MOXD1: variants seen among roughly 807,000 people sequenced by gnomAD.
MOXD1 encodes the protein monooxygenase DBH like 1.
MOXD1 carries 62 observed loss-of-function variants against 66.6 expected under a neutral mutation model. That is an observed-to-expected ratio of 0.93 (90% CI 0.76 to 1.15). The LOEUF (loss-of-function observed/expected upper bound fraction) is 1.15. MOXD1 is among the 50% of genes most tolerant of loss of function. The pLI is 0.00. For synonymous variants in MOXD1, 303 were observed against 281.9 expected, an observed-to-expected ratio of 1.07 and a Z score of -0.75; for missense variants, 847 against 754.6, an observed-to-expected ratio of 1.12 and a Z score of -1.44.
chr6:132,400,291 G>T lies in MOXD1; in HGVS notation c.264+872C>A, dbSNP rs117881002. Among the ~76,000 whole-genome samples the T allele has an allele frequency of 2.2e-4, 33 of 152,252 alleles. No homozygotes were observed. In the East Asian group the frequency reaches 6.4e-3, roughly 29 times the overall value. The stretch of plus-strand genomic sequence containing the variant: ...TTAGCAAAGGGCAGTATGTTCGGAT[G>T]AATTTTTATAATAACAAAGCGTGTA... On this transcript the variant is annotated intron_variant, in intron 1 of 11. Coordinates refer to ENST00000367963, the MANE Select transcript of MOXD1 (RefSeq NM_015529.4).
intron 4 of MOXD1, among the ~76,000 whole-genome samples, chr6:132,343,371 T>C (rs573190093): frequency 5.8e-4 from 89 of 152,178 alleles, no homozygotes; most frequent in African/African-American, 2.0e-3. Context: ...GGTTGGGAGT[T>C]CAAGACCAGC....
chr6:132,355,724 T>C (rs145502858), intron 4 of MOXD1, among the ~76,000 whole-genome samples: 84 of 152,306 alleles, frequency 5.5e-4, no homozygotes, highest in Admixed American at 9.8e-4. Context: ...GCTGGTTACA[T>C]ACCTGTTTGT....
At position 132,297,850 on chromosome 6, in the gene MOXD1, G is replaced by T. The variant is rs1356624052; in HGVS notation, c.1614C>A (p.Asn538Lys). 2.5e-6 allele frequency: 4 copies of T among 1,613,330 alleles called. No individual in the cohort carries two copies. Among genetic ancestry groups the T allele is most frequent in the African/African-American group, 2.7e-5 (2 of 74,876 alleles). The stretch of plus-strand genomic sequence containing the variant: ...TCACTGGCAGGCTGAGGACCAGCTT[G>T]TTGAAGGAGAGACCTTCCTTTTTAG... ...KWTKKEGLSF[N>K]KLVLSLPVNV... is the part of the protein sequence containing the mutation. The change falls in exon 11 of 12, where the codon AAC becomes AAA. Residue 538 changes from asparagine to lysine, a missense_variant. Asn to Lys is a moderately conservative substitution (Grantham distance 94). Coordinates refer to ENST00000367963, the MANE Select transcript of MOXD1 (RefSeq NM_015529.4).
intron 4 of MOXD1, among the ~76,000 whole-genome samples, chr6:132,328,928 C>T (rs1355671855): frequency 1.3e-5 from 2 of 151,958 alleles, no homozygotes; most frequent in East Asian, 3.9e-4. Flanking sequence ...TGCTTTTTTC[C>T]AGGTTTGCTC....
intron 1 of MOXD1, among the ~76,000 whole-genome samples, chr6:132,377,974 A>G (rs1776428840): frequency 6.6e-6 from 1 of 152,022 alleles, no homozygotes; most frequent in African/African-American, 2.4e-5. Flanking sequence ...CTAAAAATAC[A>G]AAAACTAGCC....
At chr6:132,356,987 A>G (rs1450147053) in intron 4 of MOXD1, among the ~76,000 whole-genome samples, 1 of 152,004 alleles carries the variant, frequency 6.6e-6, no homozygotes, top group East Asian at 1.9e-4. Context: ...TATATATTAC[A>G]CTGGAAATGA....
chr6:132,314,105 T>C (rs376208198), intron 10 of MOXD1, among the ~76,000 whole-genome samples: 3 of 152,316 alleles, frequency 2.0e-5, no homozygotes, highest in African/African-American at 7.2e-5. Context: ...TCAGTAAGAA[T>C]AGATACATCA....
At chr6:132,368,011 C>T (rs979088746) in intron 4 of MOXD1, among the ~76,000 whole-genome samples, 1 of 151,834 alleles carries the variant, frequency 6.6e-6, no homozygotes, top group African/African-American at 2.4e-5. Context: ...CCATAATAGG[C>T]CATCAGCAAA....
intron 10 of MOXD1, among the ~76,000 whole-genome samples, chr6:132,307,990 T>C (rs2114540005): frequency 6.7e-6 from 1 of 150,004 alleles, no homozygotes; most frequent in South Asian, 2.1e-4. Flanking sequence ...ATCCAAAAGC[T>C]AGCAGAAGAC....
rs568061722 is a variant in MOXD1, at chr6:132,329,158, C to A, written c.664-564G>T. ...GGCCCTGGTGTGTGATGTTCTCCAC[C>A]CTGTGTCCAAGTGTTCTCATTGTTC... is the stretch of plus-strand genomic sequence containing the variant. On this transcript the variant is annotated intron_variant, in intron 4 of 11. Coordinates refer to ENST00000367963, the MANE Select transcript of MOXD1 (RefSeq NM_015529.4). Among the ~76,000 whole-genome samples, 447 of 152,238 alleles carry A rather than the reference C, an allele frequency of 2.9e-3. 3 individuals carry two copies. Among genetic ancestry groups the A allele is most frequent in the Middle Eastern group, 0.027 (8 of 294 alleles).
intron 10 of MOXD1, among the ~76,000 whole-genome samples, chr6:132,298,802 A>G (rs551650610): frequency 1.3e-5 from 2 of 152,222 alleles, no homozygotes; most frequent in South Asian, 4.1e-4. Context: ...GAGAAAAGAC[A>G]ATGCTTATAC....
At chr6:132,396,089 A>G (rs1231175568) in intron 1 of MOXD1, among the ~76,000 whole-genome samples, 1 of 152,186 alleles carries the variant, frequency 6.6e-6, no homozygotes, top group Non-Finnish European at 1.5e-5. Context: ...CAGAATATAC[A>G]TTCCTCTCAT....
chr6:132,322,393 A>C (rs945569314), intron 8 of MOXD1, among the ~76,000 whole-genome samples: 2 of 152,260 alleles, frequency 1.3e-5, no homozygotes, highest in African/African-American at 4.8e-5. Context: ...AGTATAAAAA[A>C]AGAGTAATGT....
intron 10 of MOXD1, among the ~76,000 whole-genome samples, chr6:132,303,020 TA>T (rs1229972208): frequency 1.3e-5 from 2 of 152,078 alleles, no homozygotes; most frequent in Non-Finnish European, 2.9e-5. Context: ...GGATTTACCT[TA>T]CACTACACAC....
In MOXD1 at chr6:132,297,754, C is replaced by A. The variant is rs369070047; in HGVS notation, c.1677+33G>T. On this transcript the variant is annotated intron_variant, in intron 11 of 11. Coordinates refer to ENST00000367963, the MANE Select transcript of MOXD1 (RefSeq NM_015529.4). ...TGTAATAGATTCAGATAAAATGTGT[C>A]ATCTGGGTTGTCAGAGGTTAAAAAG... The A allele has an allele frequency of 1.9e-6, 3 of 1,558,554 alleles. No individual in the cohort carries two copies. The African/African-American group carries it at 4.2e-5, about 22-fold the overall frequency.
intron 1 of MOXD1, among the ~76,000 whole-genome samples, chr6:132,383,655 T>A (rs1776554849): frequency 6.6e-6 from 1 of 152,140 alleles, no homozygotes; most frequent in African/African-American, 2.4e-5. Flanking sequence ...CAGCATAAAA[T>A]CAAAATTTTG....
intron 4 of MOXD1, among the ~76,000 whole-genome samples, chr6:132,331,618 T>G (rs952527537): frequency 2.6e-5 from 4 of 152,188 alleles, no homozygotes; most frequent in East Asian, 1.9e-4. Flanking sequence ...TAGCCACATA[T>G]GAATCATTCT....
chr6:132,316,671 A>T (rs1774966403), intron 9 of MOXD1, among the ~76,000 whole-genome samples: 1 of 152,172 alleles, frequency 6.6e-6, no homozygotes. Flanking sequence ...GTGAACTTGA[A>T]GATTAATCAA....
chr6:132,355,960 C>T (rs1775902010), intron 4 of MOXD1, among the ~76,000 whole-genome samples: 2 of 152,120 alleles, frequency 1.3e-5, no homozygotes, highest in African/African-American at 4.8e-5. Flanking sequence ...TTGCACATCC[C>T]GTTCGGCAAA....
Sources: gnomAD v4.1 joint callset for allele counts (sites outside exome capture counted in the v4.1 genomes callset) on GRCh38, gnomAD v4.1.1 for gene constraint, MANE v1.5 for transcripts, NCBI Gene and HGNC (gene_info 2026-07-23, HGNC 2026-07-21) for gene names.